GPR107: variants seen among roughly 807,000 people sequenced by gnomAD.
GPR107 encodes the protein protein GPR107.
GPR107 carries 31 observed loss-of-function variants against 75.5 expected under a neutral mutation model. The observed-to-expected ratio is 0.41, with a 90% confidence interval of 0.31 to 0.55. The LOEUF (loss-of-function observed/expected upper bound fraction) is 0.55. Among genes scored for constraint, GPR107 ranks in the 20% least tolerant of loss-of-function variants. The pLI, the probability that GPR107 is intolerant of heterozygous loss-of-function variation, is 0.26. For missense variants in GPR107, 572 were observed against 665.7 expected, an observed-to-expected ratio of 0.86 and a Z score of 1.55; for synonymous variants, 267 against 251.3, an observed-to-expected ratio of 1.06 and a Z score of -0.59.
intron 1 of GPR107, among the ~76,000 whole-genome samples, chr9:130,068,915 T>G (rs1830133167): frequency 1.3e-5 from 2 of 152,062 alleles, no homozygotes; most frequent in Admixed American, 6.6e-5. Context: ...ATTTTTTGTA[T>G]TTTTGGCAGA....
chr9:130,076,945 T>C (rs1038805356), intron 3 of GPR107, among the ~76,000 whole-genome samples: 1 of 150,572 alleles, frequency 6.6e-6, no homozygotes, highest in African/African-American at 2.4e-5. Context: ...TGGAGTGCAA[T>C]GGTGTGATCT....
chr9:130,096,010 G>C (rs78329058), intron 9 of GPR107, among the ~76,000 whole-genome samples: 3 of 149,272 alleles, frequency 2.0e-5, no homozygotes, highest in African/African-American at 4.9e-5. Flanking sequence ...ACTGGAACTC[G>C]GGTCTGCTTG....
rs1320443801 is a variant in GPR107 at position 130,090,890 on chromosome 9, C to T, written c.636C>T (p.Ile212=). ...GAVSFQFFFN[I]STDDQEGLYS... ...TTCACTTTCAGTTTTTCTTTAACAT[C>T]AGCACTGATGACCAAGAAGGCCTTT... Residue 212 remains isoleucine (I), a synonymous_variant, in exon 8 of 18, where the codon ATC becomes ATT. Transcript: ENST00000347136. 3 of 1,381,598 alleles carry T rather than the reference C, an allele frequency of 2.2e-6. No individual in the cohort carries two copies. Among genetic ancestry groups the T allele is most frequent in the Admixed American group, 1.7e-5 (1 of 58,316 alleles). 85.6% of individuals were successfully genotyped at this position (1,381,598 alleles called of 1,614,324 possible). A position where few individuals can be genotyped will look rare whatever the true frequency, so the allele number is the denominator to read the frequency against.
intron 15 of GPR107, among the ~76,000 whole-genome samples, chr9:130,126,904 A>C (rs1463371268): frequency 1.3e-5 from 2 of 152,198 alleles, no homozygotes; most frequent in Admixed American, 1.3e-4. Context: ...CCAGCAGGCC[A>C]GCTGAGCTTA....
intron 1 of GPR107, among the ~76,000 whole-genome samples, chr9:130,072,294 C>T (rs1564662027): frequency 1.3e-5 from 2 of 151,502 alleles, no homozygotes; most frequent in African/African-American, 2.4e-5. Context: ...TCTCGGCTCA[C>T]TGCAGGCTCC....
At chr9:130,072,070 C>G (rs1830223357) in intron 1 of GPR107, among the ~76,000 whole-genome samples, 1 of 151,622 alleles carries the variant, frequency 6.6e-6, no homozygotes, top group African/African-American at 2.4e-5. Flanking sequence ...CTCCTCGGTT[C>G]AAGCACTTCT....
At chr9:130,066,407 TGACGACGATGATGA>T (rs1564659359) in intron 1 of GPR107, among the ~76,000 whole-genome samples, 1 of 151,936 alleles carries the variant, frequency 6.6e-6, no homozygotes, top group Non-Finnish European at 1.5e-5. Context: ...ATGGTGATGA[TGACGACGATGATGA>T]TGATTGTGCC....
chr9:130,128,898 G>A (rs188171120), intron 17 of GPR107, 137 bp downstream of exon 17: 20 of 745,298 alleles, frequency 2.7e-5, no homozygotes, highest in African/African-American at 7.0e-5. Flanking sequence ...AGAAGGAAGC[G>A]GACACTGGAG....
Position 130,092,228 on chromosome 9 carries a change from T to G in GPR107, c.730-20T>G, listed in dbSNP as rs755063962. 15 of 1,602,848 alleles carry G rather than the reference T, an allele frequency of 9.4e-6. No individual in the cohort carries two copies. The highest frequency in any genetic ancestry group is 1.2e-5 in the Non-Finnish European group (14 of 1,170,694). On this transcript the variant is annotated intron_variant, in intron 8 of 17. Transcript: ENST00000347136. ...TGATATGTTTCTGAAAAGTAAAAAT[T>G]AATTTCATGCTGGTTTCAGATTGAG...
chr9:130,125,769 G>C (rs1001708317), intron 15 of GPR107, among the ~76,000 whole-genome samples: 26 of 152,042 alleles, frequency 1.7e-4, no homozygotes, highest in African/African-American at 6.0e-4. Flanking sequence ...TGGAGTATCA[G>C]CTGGGTGCGG....
rs59817565 is a variant in GPR107, at chr9:130,080,471, G to GTTTATTTATTTATTTA, written c.526+722_526+737dup. Among the ~76,000 whole-genome samples, 438 of 146,686 alleles carry GTTTATTTATTTATTTA rather than the reference G, an allele frequency of 3.0e-3. 1 individual carries two copies. The highest frequency in any genetic ancestry group is 7.0e-3 in the Middle Eastern group (2 of 286). ...AATGAAAGGCAAAAAAGGTATTCCT[G>GTTTATTTATTTATTTA]TTTATTTATTTATTTATTTATTTAT... On this transcript the variant is annotated intron_variant, in intron 5 of 17. Coordinates refer to ENST00000347136, the MANE Select transcript of GPR107 (RefSeq NM_020960.5).
rs147971950 is a variant in GPR107, at chr9:130,088,909, C to T, written c.622-1967C>T. Reference sequence around the variant, plus strand: ...TTCAGGCCAGGCATGGTGGCTCACACCTGTAATCCCAGCACTTTGGGATCA... The same window carrying T: ...TTCAGGCCAGGCATGGTGGCTCACATCTGTAATCCCAGCACTTTGGGATCA... On this transcript the variant is annotated intron_variant, in intron 7 of 17. Coordinates refer to ENST00000347136, the MANE Select transcript of GPR107 (RefSeq NM_020960.5). Among the ~76,000 whole-genome samples the T allele has an allele frequency of 1.0e-3, 155 of 152,234 alleles. 4 individuals are homozygous for T. The East Asian group carries it at 0.028, about 28-fold the overall frequency.
chr9:130,122,442 C>A (rs2042863092), intron 14 of GPR107, among the ~76,000 whole-genome samples: 1 of 152,118 alleles, frequency 6.6e-6, no homozygotes, highest in Non-Finnish European at 1.5e-5. Context: ...GGTTAAAATC[C>A]CTGGGAGCAC....
At chr9:130,065,269 G>A (rs894144100) in intron 1 of GPR107, among the ~76,000 whole-genome samples, 1 of 151,642 alleles carries the variant, frequency 6.6e-6, no homozygotes, top group Non-Finnish European at 1.5e-5. Context: ...GGCCAACATG[G>A]TGAAACCCCG....
intron 9 of GPR107, among the ~76,000 whole-genome samples, chr9:130,098,295 G>A (rs1267736911): frequency 1.3e-5 from 2 of 152,154 alleles, no homozygotes; most frequent in East Asian, 3.9e-4. Context: ...GATGGGGTGG[G>A]CATGGGAATG....
intron 17 of GPR107, 112 bp from the exon 18 acceptor site, chr9:130,134,913 T>A: frequency 1.4e-6 from 1 of 711,230 alleles, no homozygotes; most frequent in Non-Finnish European, 2.5e-6. Flanking sequence ...AGATTTTGTC[T>A]GTTTCAAAAA....
chr9:130,097,709 GT>G (rs560402864), intron 9 of GPR107, among the ~76,000 whole-genome samples: 34,484 of 134,064 alleles, frequency 0.26, 3,492 homozygotes, highest in Middle Eastern at 0.35. Context: ...TATTCTTTGG[GT>G]TTTTTTTTTT....
rs541924377 is a variant in GPR107 at position 130,116,947 on chromosome 9, TA to T, written c.1307-7967del. On this transcript the variant is annotated intron_variant, in intron 14 of 17. Transcript: ENST00000347136. ...TTGCTTCAAATGTATATTTGAAATGTATTTTTTTTTTTTTTTGAGACAGAGT... is the reference window on the plus strand; with the variant it reads ...TTGCTTCAAATGTATATTTGAAATGTTTTTTTTTTTTTTTTGAGACAGAGT... Among the ~76,000 whole-genome samples the T allele has an allele frequency of 1.2e-4, 6 of 50,806 alleles. No individual in the cohort carries two copies. The East Asian group carries it at 2.0e-3, about 17-fold the overall frequency. The allele number at this position is 50,806 out of a possible 152,430, so 33.3% of individuals were successfully genotyped here.
chr9:130,055,704 G>A (rs973705131), intron 1 of GPR107, among the ~76,000 whole-genome samples: 21 of 151,172 alleles, frequency 1.4e-4, no homozygotes, highest in African/African-American at 4.1e-4. Context: ...TAGCACTTTG[G>A]GAGGCCGAGG....
Sources: gnomAD v4.1 joint callset for allele counts (sites outside exome capture counted in the v4.1 genomes callset) on GRCh38, gnomAD v4.1.1 for gene constraint, MANE v1.5 for transcripts, NCBI Gene and HGNC (gene_info 2026-07-23, HGNC 2026-07-21) for gene names.